The following TXLNB variants were observed in gnomAD, a reference collection of about 807,000 sequenced individuals.
TXLNB encodes the protein taxilin beta.
Under a neutral mutation model 57.4 loss-of-function variants are expected in TXLNB, and 37 were observed. That is an observed-to-expected ratio of 0.64 (90% CI 0.50 to 0.85). The LOEUF is 0.85. Ranked by LOEUF, TXLNB falls within the 40% of genes least tolerant of loss-of-function variation. The pLI is 0.00. For synonymous variants in TXLNB, 302 were observed against 309.6 expected (o/e 0.98, Z 0.26); for missense variants, 848 against 825.6 (o/e 1.03, Z -0.33).
chr6:139,301,567 G>A, the TXLNB span, among the ~76,000 whole-genome samples: 4 of 152,042 alleles, frequency 2.6e-5, no homozygotes, highest in Non-Finnish European at 4.4e-5. Flanking sequence ...CTCTTGAGAT[G>A]GGATCACTAA....
chr6:139,293,048 A>G (rs974605031), upstream of TXLNB, among the ~76,000 whole-genome samples: 3 of 152,176 alleles, frequency 2.0e-5, no homozygotes, highest in Non-Finnish European at 4.4e-5. Context: ...ATCCTGAGGT[A>G]GGGAGGTTAT....
chr6:139,166,299 C>T, the TXLNB span: 10 of 1,601,500 alleles, frequency 6.2e-6, no homozygotes, highest in Non-Finnish European at 8.5e-6. Flanking sequence ...CCATGTGCCA[C>T]TCCCCTGATC....
chr6:139,203,007 G>C, the TXLNB span, among the ~76,000 whole-genome samples: 4 of 152,104 alleles, frequency 2.6e-5, no homozygotes, highest in African/African-American at 9.7e-5. Context: ...TCTCATTCAT[G>C]TTGCTGTGAA....
chr6:139,309,090 G>T, the TXLNB span, among the ~76,000 whole-genome samples: 1 of 152,180 alleles, frequency 6.6e-6, no homozygotes, highest in East Asian at 1.9e-4. Flanking sequence ...TTTGAATCTG[G>T]GCAGTTATGC....
At chr6:139,196,411 G>C in the TXLNB span, among the ~76,000 whole-genome samples, 1 of 93,196 alleles carries the variant, frequency 1.1e-5, no homozygotes, top group South Asian at 3.9e-4. Context: ...TTTCGCTCTT[G>C]TTGCCCAGGC....
chr6:139,298,463 G>T, the TXLNB span, among the ~76,000 whole-genome samples: 3 of 152,184 alleles, frequency 2.0e-5, no homozygotes, highest in East Asian at 3.8e-4. Context: ...TCAGAATAAG[G>T]TGTGTTATTT....
At chr6:139,253,994 C>T (rs939976673) in intron 7 of TXLNB, among the ~76,000 whole-genome samples, 1 of 152,094 alleles carries the variant, frequency 6.6e-6, no homozygotes, top group Non-Finnish European at 1.5e-5. Flanking sequence ...AGCAGTCAGC[C>T]ACCCACCCTA....
the TXLNB span, chr6:139,166,343 G>A: frequency 6.2e-7 from 1 of 1,613,910 alleles, no homozygotes; most frequent in Non-Finnish European, 8.5e-7. Context: ...CCTGGAGAAG[G>A]ACGACTACCA....
At chr6:139,215,070 T>A in the TXLNB span, among the ~76,000 whole-genome samples, 1 of 152,072 alleles carries the variant, frequency 6.6e-6, no homozygotes, top group Non-Finnish European at 1.5e-5. Context: ...ATTTATAGAT[T>A]CAATGCCATC....
the TXLNB span, among the ~76,000 whole-genome samples, chr6:139,222,056 A>G: frequency 1.3e-5 from 2 of 152,202 alleles, no homozygotes; most frequent in Non-Finnish European, 2.9e-5. Context: ...AGGAATAAAA[A>G]TAAACATAAA....
downstream of TXLNB, chr6:139,238,980 C>T (rs1396355469): frequency 2.0e-5 from 3 of 152,188 alleles, no homozygotes; most frequent in Non-Finnish European, 2.9e-5. Flanking sequence ...ATCAGTTTTA[C>T]AACGAACACA....
At chr6:139,213,079 G>T in the TXLNB span, among the ~76,000 whole-genome samples, 1 of 152,282 alleles carries the variant, frequency 6.6e-6, no homozygotes, top group South Asian at 2.1e-4. Context: ...GAGACAGAAA[G>T]TTAACAAGGA....
At chr6:139,171,485 A>G in the TXLNB span, among the ~76,000 whole-genome samples, 4 of 152,244 alleles carry the variant, frequency 2.6e-5, no homozygotes, top group African/African-American at 9.6e-5. Flanking sequence ...TATCATTGCC[A>G]CAAGTGAGGC....
the TXLNB span, among the ~76,000 whole-genome samples, chr6:139,207,709 AG>A: frequency 3.0e-4 from 46 of 152,330 alleles, no homozygotes; most frequent in Admixed American, 5.2e-4. Context: ...CTTTGAAAAG[AG>A]CAACAAAATT....
intron 4 of TXLNB, among the ~76,000 whole-genome samples, chr6:139,264,388 C>T (rs567855776): frequency 6.6e-6 from 1 of 151,948 alleles, no homozygotes; most frequent in Non-Finnish European, 1.5e-5. Flanking sequence ...ATAAATGAAA[C>T]ACCCCATGCA....
chr6:139,242,536 C>A lies in TXLNB; in HGVS notation c.2045G>T (p.Gly682Val), dbSNP rs1047174822. ...PRNVADTNLE[G>V]VD ...AAGGCACGGTGAGGCTTAGTCGACG[C>A]CTTCCAGATTGGTGTCAGCCACGTT... Residue 682 changes from glycine to valine, a missense_variant, in exon 10 of 10, where the codon GGC becomes GTC. By Grantham distance (109) the Gly-to-Val change is moderately radical. Transcript: ENST00000358430. 6.7e-7 allele frequency: 1 copy of A among 1,501,166 alleles called. No homozygotes were observed. The highest frequency in any genetic ancestry group is 1.4e-5 in the African/African-American group (1 of 70,786). 93.0% of individuals were successfully genotyped at this position (1,501,166 alleles called of 1,614,324 possible). A position where few individuals can be genotyped will look rare whatever the true frequency, so the allele number is the denominator to read the frequency against.
chr6:139,194,931 G>A, the TXLNB span, among the ~76,000 whole-genome samples: 2 of 152,102 alleles, frequency 1.3e-5, no homozygotes, highest in Non-Finnish European at 2.9e-5. Flanking sequence ...GTTTTCTCTC[G>A]TTGCTGTAAC....
At chr6:139,319,261 A>ATTTTT in the TXLNB span, among the ~76,000 whole-genome samples, 1 of 130,188 alleles carries the variant, frequency 7.7e-6, no homozygotes, top group Non-Finnish European at 1.7e-5. Flanking sequence ...TCCCTTTAAA[A>ATTTTT]TTTTTTTTTT....
At chr6:139,285,055 T>C (rs1777139992) in intron 2 of TXLNB, among the ~76,000 whole-genome samples, 1 of 145,222 alleles carries the variant, frequency 6.9e-6, no homozygotes, top group South Asian at 2.3e-4. Context: ...TCCACAAGCA[T>C]TGATTTTGGT....
Sources: allele counts gnomAD v4.1 joint callset (sites outside exome capture counted in the v4.1 genomes callset), GRCh38; gene constraint gnomAD v4.1.1; transcripts MANE v1.5; gene names NCBI Gene and HGNC (gene_info 2026-07-23, HGNC 2026-07-21).